Variants in SMG6 observed in about 807,000 individuals in gnomAD.
SMG6 encodes the protein telomerase-binding protein EST1A.
In SMG6, 66 loss-of-function variants were observed where a neutral mutation model predicts 142.2. The ratio of observed to expected loss-of-function variants is 0.46; its 90% confidence interval spans 0.38 to 0.57. The LOEUF is 0.57. SMG6 is among the 20% of genes least tolerant of loss of function. The pLI, the probability that SMG6 is intolerant of heterozygous loss-of-function variation, is 0.00. For synonymous variants in SMG6, 779 were observed against 702.4 expected, an observed-to-expected ratio of 1.11 and a Z score of -1.72; for missense variants, 1,793 against 1,832.0, an observed-to-expected ratio of 0.98 and a Z score of 0.39.
rs750597928 is a variant in SMG6, at chr17:2,085,893, T to C, written c.3366A>G (p.Ala1122=). The C allele has an allele frequency of 1.2e-5, 19 of 1,614,054 alleles. No individual in the cohort carries two copies. The South Asian group carries it at 1.8e-4, about 15-fold the overall frequency. The change falls in exon 14 of 19, where the codon GCA becomes GCG. Residue 1122 remains alanine, a synonymous_variant. Transcript: ENST00000263073. The surrounding 1 kb of genome is among the most constrained non-coding windows in gnomAD (Gnocchi z 4.1). ...YVEKTSDKVI[A]ADCKRVTVLK... Reference sequence around the variant, plus strand: ...GCACTGTGACCCTTTTGCAGTCAGCTGCAATAACCTACAGGGTGAGAGGGA... The same window carrying C: ...GCACTGTGACCCTTTTGCAGTCAGCCGCAATAACCTACAGGGTGAGAGGGA...
In SMG6 at chr17:2,258,022, A is replaced by ATAT. The variant is rs1423222984; in HGVS notation, c.2662-13304_2662-13303insATA. Among the ~76,000 whole-genome samples, 58 of 53,964 alleles carry ATAT rather than the reference A, an allele frequency of 1.1e-3. 1 individual carries two copies. Among genetic ancestry groups the ATAT allele is most frequent in the East Asian group, 6.0e-3 (6 of 1,006 alleles). The allele number at this position is 53,964 out of a possible 152,430, so 35.4% of individuals were successfully genotyped here. A position where few individuals can be genotyped will look rare whatever the true frequency, so the allele number is the denominator to read the frequency against. ...AGACTCTGTCGCAAAAAAAAAAAAA[A>ATAT]AAAAAAAAAAAAATATACACACACA... is the stretch of plus-strand genomic sequence containing the variant. On this transcript the variant is annotated intron_variant, in intron 8 of 18. Coordinates refer to ENST00000263073, the MANE Select transcript of SMG6 (RefSeq NM_017575.5).
intron 10 of SMG6, among the ~76,000 whole-genome samples, chr17:2,224,213 T>A (rs1233736323): frequency 1.3e-5 from 2 of 152,160 alleles, no homozygotes; most frequent in East Asian, 3.8e-4. Flanking sequence ...CCTGATGAAC[T>A]CGAGCTTTGC....
intron 15 of SMG6, among the ~76,000 whole-genome samples, chr17:2,069,807 G>A (rs1264341105): frequency 1.3e-5 from 2 of 152,162 alleles, no homozygotes; most frequent in African/African-American, 2.4e-5. Context: ...CTTGACCAGC[G>A]CAGTTTCCTA....
intron 10 of SMG6, among the ~76,000 whole-genome samples, chr17:2,209,524 C>T (rs1415518519): frequency 2.6e-5 from 4 of 152,134 alleles, no homozygotes; most frequent in East Asian, 1.9e-4. Context: ...CACCACGCCC[C>T]GGCTAACTTT....
intron 17 of SMG6, 78 bp from the exon 18 acceptor site, chr17:2,065,232 T>G: frequency 7.8e-7 from 1 of 1,288,176 alleles, no homozygotes; most frequent in South Asian, 1.3e-5. Context: ...ATCCTCTGCC[T>G]CGGGGGCCCT....
chr17:2,088,256 C>T lies in SMG6; in HGVS notation c.3358-2355G>A, dbSNP rs2068619968. ...TGGCTAAGAAAGCATGGTTTCTGGC[C>T]GACAGGGAGAAAAGCCACATGTGTG... On this transcript the variant is annotated intron_variant, in intron 13 of 18. Transcript: ENST00000263073. 5 of 985,134 alleles carry T rather than the reference C, an allele frequency of 5.1e-6. No individual in the cohort carries two copies. In the South Asian group the frequency reaches 2.3e-4, roughly 46 times the overall value. 61.0% of individuals were successfully genotyped at this position (985,134 alleles called of 1,614,324 possible).
chr17:2,179,699 G>A (rs2071750061), intron 12 of SMG6, among the ~76,000 whole-genome samples: 1 of 152,226 alleles, frequency 6.6e-6, no homozygotes, highest in East Asian at 1.9e-4. Flanking sequence ...TGAAACGCGG[G>A]CTCTCCAGAG....
intron 13 of SMG6, among the ~76,000 whole-genome samples, chr17:2,098,910 C>T (rs1010724445): frequency 2.6e-5 from 4 of 152,064 alleles, no homozygotes; most frequent in African/African-American, 9.7e-5. Context: ...GAATTACAGG[C>T]GTGAGCCACC....
chr17:2,085,638 T>C lies in SMG6; in HGVS notation c.3534+87A>G. 1.6e-5 allele frequency: 22 copies of C among 1,339,912 alleles called. No individual in the cohort carries two copies. Among genetic ancestry groups the C allele is most frequent in the Non-Finnish European group, 2.2e-5 (21 of 965,602 alleles). 83.0% of individuals were successfully genotyped at this position (1,339,912 alleles called of 1,614,324 possible). A position where few individuals can be genotyped will look rare whatever the true frequency, so the allele number is the denominator to read the frequency against. On this transcript the variant is annotated intron_variant, in intron 14 of 18. Transcript: ENST00000263073. The surrounding 1 kb of genome is among the most constrained non-coding windows in gnomAD (Gnocchi z 4.1). ...ACACAGACGCTGTTCTCTGTGCTCA[T>C]AAATAAGCAGGAGGAAAAGCTGAAG...
chr17:2,194,945 C>A (rs1050250903), intron 10 of SMG6, among the ~76,000 whole-genome samples: 3 of 152,104 alleles, frequency 2.0e-5, no homozygotes, highest in Non-Finnish European at 4.4e-5. Flanking sequence ...GTCAAGGAGT[C>A]CCCAGGCTCC....
intron 13 of SMG6, among the ~76,000 whole-genome samples, chr17:2,132,019 C>T (rs2070137494): frequency 6.6e-6 from 1 of 151,974 alleles, no homozygotes; most frequent in African/African-American, 2.4e-5. Context: ...TTGTAGTGAG[C>T]CAAGATGGCA....
chr17:2,202,270 G>A (rs1276320457), intron 10 of SMG6, among the ~76,000 whole-genome samples: 1 of 152,152 alleles, frequency 6.6e-6, no homozygotes, highest in African/African-American at 2.4e-5. Context: ...TCATTCGAAT[G>A]TCAAAAACAG....
At chr17:2,240,705 G>C (rs1038182054) in intron 9 of SMG6, among the ~76,000 whole-genome samples, 6 of 152,252 alleles carry the variant, frequency 3.9e-5, no homozygotes, top group African/African-American at 9.6e-5. Flanking sequence ...TGGGAGTTAA[G>C]AGACTTATCT....
intron 13 of SMG6, among the ~76,000 whole-genome samples, chr17:2,097,025 AC>A (rs1283345821): frequency 6.6e-6 from 1 of 152,072 alleles, no homozygotes; most frequent in East Asian, 1.9e-4. Context: ...CCACAAGAGA[AC>A]CTCCTCTAAA....
intron 10 of SMG6, among the ~76,000 whole-genome samples, chr17:2,194,391 C>T (rs187788769): frequency 6.6e-6 from 1 of 152,106 alleles, no homozygotes; most frequent in Non-Finnish European, 1.5e-5. Flanking sequence ...ATGAGGGAGA[C>T]CAGTTGGGAA....
At chr17:2,123,072 CA>C (rs1385755612) in intron 13 of SMG6, among the ~76,000 whole-genome samples, 1 of 152,220 alleles carries the variant, frequency 6.6e-6, no homozygotes, top group Non-Finnish European at 1.5e-5. Flanking sequence ...CAACGCTAGA[CA>C]ATGCTGCCGC....
chr17:2,185,284 C>T (rs530786762), intron 12 of SMG6, among the ~76,000 whole-genome samples: 7 of 152,096 alleles, frequency 4.6e-5, no homozygotes, highest in East Asian at 3.9e-4. Context: ...CAGAACTTTG[C>T]GCTCAGATAC....
At chr17:2,302,319 G>A (rs186025188) in intron 1 of SMG6, among the ~76,000 whole-genome samples, 1 of 152,208 alleles carries the variant, frequency 6.6e-6, no homozygotes, top group East Asian at 1.9e-4. Context: ...CAAGGCGGGC[G>A]GATCACGAGG....
chr17:2,267,528 C>T (rs539071395), intron 8 of SMG6, among the ~76,000 whole-genome samples: 3 of 151,920 alleles, frequency 2.0e-5, no homozygotes, highest in South Asian at 4.2e-4. Context: ...ATCCATGAGG[C>T]CAAAAAATTA....
Sources: gnomAD v4.1 joint callset for allele counts (sites outside exome capture counted in the v4.1 genomes callset) on GRCh38, gnomAD v4.1.1 for gene constraint, Gnocchi (gnomAD v3.1) non-coding constraint, MANE v1.5 for transcripts, NCBI Gene and HGNC (gene_info 2026-07-23, HGNC 2026-07-21) for gene names.